CRYBG1: variants seen among roughly 807,000 people sequenced by gnomAD.
The protein encoded by CRYBG1 is beta/gamma crystallin domain-containing protein 1.
Under a neutral mutation model 189.2 loss-of-function variants are expected in CRYBG1, and 139 were observed. The ratio of observed to expected loss-of-function variants is 0.73; its 90% CI spans 0.64 to 0.85. The LOEUF (loss-of-function observed/expected upper bound fraction) is 0.85, where lower values mean the gene tolerates loss of function less well. CRYBG1 is among the 40% of genes least tolerant of loss of function. The probability of loss-of-function intolerance (pLI) is 0.00; values close to 1 mark genes in which losing one functional copy is unlikely to be tolerated. For synonymous variants in CRYBG1, 1,023 were observed against 1,017.1 expected, an observed-to-expected ratio of 1.01 and a Z score of -0.11; for missense variants, 2,611 against 2,675.8, an observed-to-expected ratio of 0.98 and a Z score of 0.53.
chr6:106,512,959 T>G lies in CRYBG1; in HGVS notation c.1842T>G (p.Pro614=), dbSNP rs548367870. Residue 614 remains proline, a synonymous_variant, in exon 3 of 22, where the codon CCT becomes CCG. Transcript: ENST00000633556. ...SRELGRAAGA[P]GASDADGLKP... The stretch of plus-strand genomic sequence containing the variant: ...AGCTGGGCAGAGCGGCCGGAGCGCC[T>G]GGAGCTTCTGACGCCGACGGCTTGA... 31 of 1,610,870 alleles carry G rather than the reference T, an allele frequency of 1.9e-5. No homozygotes were observed. Among genetic ancestry groups the G allele is most frequent in the Non-Finnish European group, 2.5e-5 (30 of 1,179,298 alleles).
rs1007031111 is a variant in CRYBG1, at chr6:106,465,311, G to A, written c.312+13479G>A. ...AATATGGCCAAAAGACCAGAGTTGCGATTTCAGCTCTTCTCCAGACGGCCT... is the reference window on the plus strand; with the variant it reads ...AATATGGCCAAAAGACCAGAGTTGCAATTTCAGCTCTTCTCCAGACGGCCT... On this transcript the variant is annotated intron_variant, in intron 2 of 21. Coordinates refer to ENST00000633556, the MANE Select transcript of CRYBG1 (RefSeq NM_001371242.2). Among the ~76,000 whole-genome samples, 6 of 152,142 alleles carry A rather than the reference G, an allele frequency of 3.9e-5. No individual in the cohort carries two copies. The East Asian group carries it at 5.8e-4, about 15-fold the overall frequency.
chr6:106,456,864 A>G (rs1024041170), intron 2 of CRYBG1, among the ~76,000 whole-genome samples: 3 of 152,146 alleles, frequency 2.0e-5, no homozygotes, highest in Non-Finnish European at 4.4e-5. Context: ...AACCTGCTCC[A>G]TCCCCTGGGC....
chr6:106,444,405 G>C lies in CRYBG1; in HGVS notation c.174-7289G>C, dbSNP rs189628266. On this transcript the variant is annotated intron_variant, in intron 1 of 21. Transcript: ENST00000633556. ...GAAACACAATACTCTTGATAAAACC[G>C]AGCCGTTCCTTGAGGCACAGACCTC... Among the ~76,000 whole-genome samples the C allele has an allele frequency of 1.8e-4, 27 of 152,214 alleles. No individual in the cohort carries two copies. In the East Asian group the frequency reaches 5.0e-3, roughly 28 times the overall value.
chr6:106,522,244 C>G lies in CRYBG1; in HGVS notation c.4245+791C>G, dbSNP rs183972991. On this transcript the variant is annotated intron_variant, in intron 4 of 21. Coordinates refer to ENST00000633556, the MANE Select transcript of CRYBG1 (RefSeq NM_001371242.2). ...AGGGAAACTTTTTCTTAATCCTTCT[C>G]TCTGTGAGATTCACTCTTTGTTCCC... Among the ~76,000 whole-genome samples the G allele has an allele frequency of 1.7e-3, 261 of 152,336 alleles. 1 individual carries two copies. The highest frequency in any genetic ancestry group is 6.1e-3 in the African/African-American group (254 of 41,578).
At chr6:106,446,714 C>A (rs1771670616) in intron 1 of CRYBG1, among the ~76,000 whole-genome samples, 1 of 152,136 alleles carries the variant, frequency 6.6e-6, no homozygotes, top group African/African-American at 2.4e-5. Context: ...TTTGGAGAGG[C>A]CCTAGCACTG....
At chr6:106,494,603 G>A (rs560743419) in intron 2 of CRYBG1, among the ~76,000 whole-genome samples, 54 of 152,148 alleles carry the variant, frequency 3.5e-4, no homozygotes, top group Non-Finnish European at 7.5e-4. Context: ...GTGGAAGAAT[G>A]TAACTTGCTA....
chr6:106,522,372 G>A (rs1773630546), intron 4 of CRYBG1, among the ~76,000 whole-genome samples: 1 of 152,202 alleles, frequency 6.6e-6, no homozygotes, highest in South Asian at 2.1e-4. Context: ...CTGCAAAGCT[G>A]TGGGGAATAA....
rs189950971 is a variant in CRYBG1, at chr6:106,507,748, C to T, written c.313-3682C>T. ...AACAATTCCTGGTTGAAAAGAAATA[C>T]GTATCGCATTTAGGAAGGGGTGTTC... On this transcript the variant is annotated intron_variant, in intron 2 of 21. Transcript: ENST00000633556. Among the ~76,000 whole-genome samples the T allele has an allele frequency of 4.1e-3, 627 of 152,278 alleles. 2 individuals are homozygous for T. Among genetic ancestry groups the T allele is most frequent in the Non-Finnish European group, 6.3e-3 (427 of 68,014 alleles).
intron 2 of CRYBG1, among the ~76,000 whole-genome samples, chr6:106,492,341 C>T (rs931205159): frequency 6.6e-6 from 1 of 152,040 alleles, no homozygotes; most frequent in African/African-American, 2.4e-5. Context: ...TAGAAGAATT[C>T]CTATTTTCAT....
At chr6:106,498,344 C>G (rs1222127604) in intron 2 of CRYBG1, among the ~76,000 whole-genome samples, 1 of 152,164 alleles carries the variant, frequency 6.6e-6, no homozygotes, top group Non-Finnish European at 1.5e-5. Flanking sequence ...CCCGTTAAGT[C>G]TCCTCCTGTT....
At chr6:106,558,754 G>A in intron 18 of CRYBG1, 129 bp downstream of exon 18, 1 of 717,624 alleles carries the variant, frequency 1.4e-6, no homozygotes, top group East Asian at 3.2e-5. Flanking sequence ...TTTGAATCCA[G>A]GGATTCAAGA....
intron 16 of CRYBG1, among the ~76,000 whole-genome samples, chr6:106,555,547 A>C (rs1774515701): frequency 6.6e-6 from 1 of 152,198 alleles, no homozygotes; most frequent in South Asian, 2.1e-4. Flanking sequence ...GTGGAGAAAG[A>C]AGTTTGTTTC....
chr6:106,430,464 G>A (rs988652093), intron 1 of CRYBG1, among the ~76,000 whole-genome samples: 10 of 152,112 alleles, frequency 6.6e-5, no homozygotes, highest in African/African-American at 9.7e-5. Flanking sequence ...AGCCTGCTTC[G>A]GTTATCTATT....
intron 2 of CRYBG1, among the ~76,000 whole-genome samples, chr6:106,468,031 T>C (rs1772148726): frequency 6.6e-6 from 1 of 152,122 alleles, no homozygotes; most frequent in Non-Finnish European, 1.5e-5. Flanking sequence ...GGGGGTCATC[T>C]GTAAGTGTTG....
rs144493105 is a variant in CRYBG1 at position 106,387,389 on chromosome 6, G to A, written c.173+26308G>A. ...CCTGCTTTCACACCCAGGAGAGATG[G>A]AAGAGACTCCGCTCCCCTCATGGGG... is the stretch of plus-strand genomic sequence containing the variant. On this transcript the variant is annotated intron_variant, in intron 1 of 21. Coordinates refer to ENST00000633556, the MANE Select transcript of CRYBG1 (RefSeq NM_001371242.2). Among the ~76,000 whole-genome samples the A allele has an allele frequency of 1.8e-3, 271 of 152,294 alleles. 1 individual carries two copies. The highest frequency in any genetic ancestry group is 6.2e-3 in the African/African-American group (257 of 41,550).
intron 1 of CRYBG1, among the ~76,000 whole-genome samples, chr6:106,433,487 C>G (rs1393943863): frequency 6.6e-6 from 1 of 151,930 alleles, no homozygotes; most frequent in Non-Finnish European, 1.5e-5. Context: ...TCCATATTAT[C>G]TGGGATTTAA....
chr6:106,381,755 C>T (rs1397243326), intron 1 of CRYBG1, among the ~76,000 whole-genome samples: 2 of 152,210 alleles, frequency 1.3e-5, no homozygotes, highest in Non-Finnish European at 2.9e-5. Flanking sequence ...AAGGGCCGAT[C>T]CTGCAGGCAC....
At position 106,519,731 on chromosome 6, in the gene CRYBG1, T is replaced by A. The variant is rs1378785910; in HGVS notation, c.2523T>A (p.Thr841=). Residue 841 remains threonine, a synonymous_variant, in exon 4 of 22, where the codon ACT becomes ACA. Coordinates refer to ENST00000633556, the MANE Select transcript of CRYBG1 (RefSeq NM_001371242.2). ...VTDTAQDIPT[T]VDTKDLPPTA... ...ATACAGCACAAGACATCCCCACCAC[T>A]GTGGATACCAAAGATTTACCTCCAA... 6.2e-7 allele frequency: 1 copy of A among 1,614,170 alleles called. No individual in the cohort carries two copies. Among genetic ancestry groups the A allele is most frequent in the Non-Finnish European group, 8.5e-7 (1 of 1,180,034 alleles).
At chr6:106,393,438 A>T (rs1770547393) in intron 1 of CRYBG1, among the ~76,000 whole-genome samples, 1 of 152,148 alleles carries the variant, frequency 6.6e-6, no homozygotes, top group Non-Finnish European at 1.5e-5. Context: ...TTCCTCCTAC[A>T]GCCGGCTTCC....
Sources: gnomAD v4.1 joint callset for allele counts (sites outside exome capture counted in the v4.1 genomes callset) on GRCh38, gnomAD v4.1.1 for gene constraint, MANE v1.5 for transcripts, NCBI Gene and HGNC (gene_info 2026-07-23, HGNC 2026-07-21) for gene names.